Variants in RNF220 observed in about 807,000 individuals in gnomAD.
RNF220 encodes E3 ubiquitin-protein ligase RNF220.
RNF220 carries 7 observed loss-of-function variants against 67.1 expected under a neutral mutation model. The observed-to-expected ratio is 0.10, with a 90% CI of 0.06 to 0.20. The LOEUF is 0.20. RNF220 is among the 10% of genes least tolerant of loss of function. The probability of loss-of-function intolerance (pLI) is 1.00; values close to 1 mark genes in which losing one functional copy is unlikely to be tolerated. For synonymous variants in RNF220, 270 were observed against 283.2 expected (o/e 0.95, Z 0.47); for missense variants, 565 against 740.3 (o/e 0.76, Z 2.75).
At chr1:44,406,416 C>A (rs886367792) in intron 1 of RNF220, among the ~76,000 whole-genome samples, 1 of 152,250 alleles carries the variant, frequency 6.6e-6, no homozygotes, top group South Asian at 2.1e-4. Context: ...GACCCCCTCT[C>A]CCAGCGGTTC....
intron 2 of RNF220, among the ~76,000 whole-genome samples, chr1:44,573,294 T>C (rs890199698): frequency 2.0e-5 from 3 of 152,196 alleles, no homozygotes; most frequent in African/African-American, 2.4e-5. Flanking sequence ...TGGGGATCCA[T>C]TGAAGGCTTT....
chr1:44,503,726 T>C (rs905571640), intron 2 of RNF220, among the ~76,000 whole-genome samples: 30 of 152,312 alleles, frequency 2.0e-4, no homozygotes, highest in African/African-American at 7.0e-4. Context: ...AATTTTAGGC[T>C]AGTGTTTTCA....
chr1:44,647,869 C>A (rs1398104250), intron 12 of RNF220, among the ~76,000 whole-genome samples: 1 of 152,208 alleles, frequency 6.6e-6, no homozygotes, highest in Non-Finnish European at 1.5e-5. Context: ...CCGCCTCAGT[C>A]CAGCCTCTGC....
intron 2 of RNF220, among the ~76,000 whole-genome samples, chr1:44,488,592 G>A (rs1288163744): frequency 1.4e-4 from 21 of 152,200 alleles, no homozygotes; most frequent in Admixed American, 1.4e-3. Flanking sequence ...TGAGATTGCA[G>A]GCGTGGGCCA....
chr1:44,456,142 C>T (rs965830909), intron 2 of RNF220, among the ~76,000 whole-genome samples: 2 of 152,108 alleles, frequency 1.3e-5, no homozygotes, highest in African/African-American at 4.8e-5. Flanking sequence ...TAATCCAAGC[C>T]AAGACAATTA....
At chr1:44,430,469 A>G (rs1437277717) in intron 2 of RNF220, among the ~76,000 whole-genome samples, 1 of 152,182 alleles carries the variant, frequency 6.6e-6, no homozygotes, top group Non-Finnish European at 1.5e-5. Context: ...GAGTATATGG[A>G]AACCCTCTTC....
chr1:44,457,107 A>G (rs1461082161), intron 2 of RNF220, among the ~76,000 whole-genome samples: 2 of 151,906 alleles, frequency 1.3e-5, no homozygotes, highest in African/African-American at 4.8e-5. Context: ...CCTGCAAGCT[A>G]TATATACTCT....
chr1:44,476,824 T>C (rs1655342723), intron 2 of RNF220, among the ~76,000 whole-genome samples: 1 of 152,146 alleles, frequency 6.6e-6, no homozygotes. Flanking sequence ...TCAGGGTGGA[T>C]AGACTAATCA....
At chr1:44,531,924 A>G (rs1206393090) in intron 2 of RNF220, among the ~76,000 whole-genome samples, 1 of 152,170 alleles carries the variant, frequency 6.6e-6, no homozygotes, top group Non-Finnish European at 1.5e-5. Context: ...GACATACAAG[A>G]ATCAGCTTCC....
intron 2 of RNF220, among the ~76,000 whole-genome samples, chr1:44,524,000 G>C (rs1660154733): frequency 6.6e-6 from 1 of 152,168 alleles, no homozygotes; most frequent in South Asian, 2.1e-4. Context: ...CCTGCAAGTT[G>C]TAAGGATTGA....
intron 2 of RNF220, among the ~76,000 whole-genome samples, chr1:44,493,161 C>A (rs1285725677): frequency 2.0e-5 from 3 of 152,158 alleles, no homozygotes; most frequent in African/African-American, 7.2e-5. Context: ...TACTTTCATG[C>A]ACAAAATTAT....
At chr1:44,569,934 T>C (rs1253053913) in intron 2 of RNF220, among the ~76,000 whole-genome samples, 1 of 152,124 alleles carries the variant, frequency 6.6e-6, no homozygotes, top group Non-Finnish European at 1.5e-5. Flanking sequence ...GTATTACACT[T>C]GGCAGTGGTT....
intron 1 of RNF220, 109 bp from the exon 2 acceptor site, chr1:44,411,872 C>T (rs1648002267): frequency 2.5e-5 from 13 of 524,340 alleles, no homozygotes; most frequent in Middle Eastern, 5.1e-4. Context: ...GTCTCTTGCC[C>T]GAGCATCTGT....
chr1:44,579,433 AC>A (rs1665075485), intron 2 of RNF220, among the ~76,000 whole-genome samples: 1 of 152,008 alleles, frequency 6.6e-6, no homozygotes, highest in Non-Finnish European at 1.5e-5. Flanking sequence ...CTAGACTTGG[AC>A]CCCCAGTCTG....
chr1:44,450,152 T>G (rs1279363863), intron 2 of RNF220, among the ~76,000 whole-genome samples: 1 of 151,944 alleles, frequency 6.6e-6, no homozygotes, highest in Non-Finnish European at 1.5e-5. Context: ...GAGGTTGCAG[T>G]GAGCCGAGAT....
chr1:44,460,297 C>G (rs534749318), intron 2 of RNF220, among the ~76,000 whole-genome samples: 1 of 152,092 alleles, frequency 6.6e-6, no homozygotes, highest in African/African-American at 2.4e-5. Flanking sequence ...CAGGTACCAG[C>G]GCCTGGAAGC....
At chr1:44,452,659 CGG>C (rs1449058949) in intron 2 of RNF220, among the ~76,000 whole-genome samples, 2 of 152,014 alleles carry the variant, frequency 1.3e-5, no homozygotes, top group Non-Finnish European at 2.9e-5. Flanking sequence ...TTAGTAGAGA[CGG>C]AGTTTCACCA....
intron 2 of RNF220, among the ~76,000 whole-genome samples, chr1:44,520,191 G>A (rs1306039920): frequency 2.0e-5 from 3 of 151,528 alleles, no homozygotes; most frequent in South Asian, 4.2e-4. Context: ...GGCTGGGCGC[G>A]GTGGCTCACG....
intron 2 of RNF220, among the ~76,000 whole-genome samples, chr1:44,500,133 C>T (rs929317098): frequency 6.6e-6 from 1 of 152,234 alleles, no homozygotes; most frequent in African/African-American, 2.4e-5. Context: ...TGTGACTCCT[C>T]TGGCTTGCCA....
Sources: allele counts gnomAD v4.1 joint callset (sites outside exome capture counted in the v4.1 genomes callset), GRCh38; gene constraint gnomAD v4.1.1; transcripts MANE v1.5; gene names NCBI Gene and HGNC (gene_info 2026-07-23, HGNC 2026-07-21).